FUBP1: variants seen among roughly 807,000 people sequenced by gnomAD.
FUBP1 encodes far upstream element-binding protein 1.
Under a neutral mutation model 94.9 loss-of-function variants are expected in FUBP1, and 16 were observed. The observed-to-expected ratio is 0.17, with a 90% CI of 0.11 to 0.26. FUBP1 has a LOEUF of 0.26. Among genes scored for constraint, FUBP1 ranks in the 10% least tolerant of loss-of-function variants. FUBP1 has a pLI of 1.00. For missense variants in FUBP1, 583 were observed against 808.6 expected (o/e 0.72, Z 3.38); for synonymous variants, 279 against 254.9 (o/e 1.09, Z -0.90).
chr1:77,966,787 A>G, intron 6 of FUBP1, 36 bp from the exon 7 acceptor site: 1 of 1,407,294 alleles, frequency 7.1e-7, no homozygotes. Flanking sequence ...TTCAGGTCAA[A>G]AGATTAAAAG....
chr1:77,969,779 C>A, intron 2 of FUBP1, 146 bp downstream of exon 2: 1 of 411,242 alleles, frequency 2.4e-6, no homozygotes. Flanking sequence ...AGTTTTCTTT[C>A]CCCCCTTTTA....
Position 77,970,017 on chromosome 1 carries a change from TAAAA to T in FUBP1, c.121-6_121-3del. On this transcript the variant is annotated splice_polypyrimidine_tract_variant and splice_region_variant and intron_variant, in intron 1 of 19. Transcript: ENST00000370768. ...ATCACCTCCAATTTTTGCTGCAATCTAAAAAAAAAAAAGAAAAATACCATCATAA... is the reference window on the plus strand; with the variant it reads ...ATCACCTCCAATTTTTGCTGCAATCTAAAAAAAAGAAAAATACCATCATAA... 1.6e-6 allele frequency: 2 copies of T among 1,269,444 alleles called. No homozygotes were observed. The highest frequency in any genetic ancestry group is 2.6e-5 in the East Asian group (1 of 38,122). 78.6% of individuals were successfully genotyped at this position (1,269,444 alleles called of 1,614,324 possible).
intron 18 of FUBP1, among the ~76,000 whole-genome samples, chr1:77,955,026 T>C (rs748008025): frequency 6.6e-6 from 1 of 152,206 alleles, no homozygotes; most frequent in East Asian, 1.9e-4. Context: ...AATGTTAATA[T>C]TGTATGTACC....
At position 77,947,974 on chromosome 1, in the gene FUBP1, T is replaced by C. The variant is rs530051185; in HGVS notation, c.*792A>G. 81 of 1,018,822 alleles carry C rather than the reference T, an allele frequency of 8.0e-5. No individual in the cohort carries two copies. The Middle Eastern group carries it at 2.3e-3, about 28-fold the overall frequency. The allele number at this position is 1,018,822 out of a possible 1,614,324, so 63.1% of individuals were successfully genotyped here. ...CTTATTAGACTACTCATATTCACTA[T>C]CTGAAAACTGTTTAAAATTAGTTAT... On this transcript the variant is annotated 3_prime_UTR_variant, in exon 20 of 20. Coordinates refer to ENST00000370768, the MANE Select transcript of FUBP1 (RefSeq NM_003902.5).
chr1:77,948,951 T>G, intron 19 of FUBP1, 177 bp from the exon 20 acceptor site: 1 of 1,020,058 alleles, frequency 9.8e-7, no homozygotes, highest in Non-Finnish European at 1.5e-6. Flanking sequence ...ATCAAAGGCA[T>G]TGCAGAAATA....
chr1:77,967,787 AAG>A (rs1656785081), intron 3 of FUBP1, 121 bp from the exon 4 acceptor site: 1 of 614,974 alleles, frequency 1.6e-6, no homozygotes, highest in South Asian at 2.3e-5. Context: ...CAACACCTTG[AAG>A]AGAGTCAAAT....
intron 1 of FUBP1, among the ~76,000 whole-genome samples, chr1:77,971,275 T>C (rs1657487618): frequency 6.6e-6 from 1 of 152,210 alleles, no homozygotes; most frequent in Admixed American, 6.5e-5. Context: ...GAGAATTTAT[T>C]ATATAATTCT....
At chr1:77,957,218 T>C (rs189292741) in intron 16 of FUBP1, among the ~76,000 whole-genome samples, 13 of 152,366 alleles carry the variant, frequency 8.5e-5, no homozygotes, top group Non-Finnish European at 1.3e-4. Context: ...TTGAATGTTA[T>C]AAACTTGATG....
intron 12 of FUBP1, 118 bp downstream of exon 12, chr1:77,963,944 T>C (rs1385792965): frequency 1.4e-6 from 1 of 738,724 alleles, no homozygotes; most frequent in Non-Finnish European, 2.3e-6. Context: ...CAATTTAAAC[T>C]TTCTCCATTA....
intron 14 of FUBP1, 104 bp from the exon 15 acceptor site, chr1:77,960,599 T>C (rs2296454): frequency 0.21 from 198,955 of 927,800 alleles, 25,218 homozygotes; most frequent in African/African-American, 0.51. Context: ...TAGTCACAAA[T>C]AACAAATTTT....
intron 1 of FUBP1, among the ~76,000 whole-genome samples, chr1:77,971,568 C>T (rs776807096): frequency 2.0e-5 from 3 of 152,086 alleles, no homozygotes. Flanking sequence ...CAACATGGAT[C>T]ACTTAAGTCT....
intron 18 of FUBP1, among the ~76,000 whole-genome samples, chr1:77,953,926 TTAATAATA>T (rs965015662): frequency 2.6e-5 from 4 of 152,220 alleles, no homozygotes; most frequent in African/African-American, 9.6e-5. Context: ...TTTTACCTAC[TTAATAATA>T]ACTAGGGACC....
chr1:77,961,036 T>G (rs1166634483), intron 14 of FUBP1, among the ~76,000 whole-genome samples: 1 of 152,196 alleles, frequency 6.6e-6, no homozygotes, highest in East Asian at 1.9e-4. Context: ...AAAATCCCAT[T>G]CAGATCAATA....
chr1:77,960,367 A>G lies in FUBP1; in HGVS notation c.1473T>C (p.Pro491=), dbSNP rs756524188. The change falls in exon 15 of 20, where the codon CCT becomes CCC. Residue 491 remains proline, a synonymous_variant. Coordinates refer to ENST00000370768, the MANE Select transcript of FUBP1 (RefSeq NM_003902.5). ...MGPYNPAPYN[P]GPPGPAPHGP... ...ACTGAGGAGCCGGGCCTGGTGGTCC[A>G]GGATTATAAGGTGCAGGGTTGTATG... 2 of 1,609,568 alleles carry G rather than the reference A, an allele frequency of 1.2e-6. No individual in the cohort carries two copies. The highest frequency in any genetic ancestry group is 3.4e-5 in the Admixed American group (2 of 58,690).
chr1:77,944,877 A>G lies in FUBP1; in HGVS notation c.*3889T>C. On this transcript the variant is annotated 3_prime_UTR_variant, in exon 20 of 20. Coordinates refer to ENST00000370768, the MANE Select transcript of FUBP1 (RefSeq NM_003902.5). ...ATTAAAAAATAAAACTATACTTCTCATTTCTAAAAGAAACATCAAACCATA... is the reference window on the plus strand; with the variant it reads ...ATTAAAAAATAAAACTATACTTCTCGTTTCTAAAAGAAACATCAAACCATA... Among the ~76,000 whole-genome samples the G allele has an allele frequency of 6.6e-6, 1 of 151,970 alleles. No homozygotes were observed.
At chr1:77,973,526 G>T (rs1335914917) in intron 1 of FUBP1, among the ~76,000 whole-genome samples, 1 of 152,218 alleles carries the variant, frequency 6.6e-6, no homozygotes, top group Non-Finnish European at 1.5e-5. Context: ...GATTACAGGC[G>T]TAAGCCACCA....
chr1:77,959,335 G>A (rs552564197), intron 16 of FUBP1, among the ~76,000 whole-genome samples: 1 of 152,104 alleles, frequency 6.6e-6, no homozygotes, highest in South Asian at 2.1e-4. Context: ...AATATAATAG[G>A]ATAAAAATAA....
chr1:77,966,578 G>C, intron 7 of FUBP1, 116 bp downstream of exon 7: 1 of 660,806 alleles, frequency 1.5e-6, no homozygotes, highest in Non-Finnish European at 2.7e-6. Context: ...AGGACTTTGA[G>C]GGAAGGTGGC....
rs1315584960 is a variant in FUBP1 at position 77,946,067 on chromosome 1, ATAGTTT to A, written c.*2693_*2698del. ...CCCATAATATCCTTACTGAATTATTATAGTTTAAGAATAAGAAAAAAATAAAGAAAT... is the reference window on the plus strand; with the variant it reads ...CCCATAATATCCTTACTGAATTATTAAAGAATAAGAAAAAAATAAAGAAAT... On this transcript the variant is annotated 3_prime_UTR_variant, in exon 20 of 20. Transcript: ENST00000370768. Among the ~76,000 whole-genome samples, 3 of 152,010 alleles carry A rather than the reference ATAGTTT, an allele frequency of 2.0e-5. No individual in the cohort carries two copies. The highest frequency in any genetic ancestry group is 4.4e-5 in the Non-Finnish European group (3 of 67,912).
Sources: allele counts gnomAD v4.1 joint callset (sites outside exome capture counted in the v4.1 genomes callset), GRCh38; gene constraint gnomAD v4.1.1; transcripts MANE v1.5; gene names NCBI Gene and HGNC (gene_info 2026-07-23, HGNC 2026-07-21).